Variants in TRAF3IP3 observed in about 807,000 individuals in gnomAD.
The protein encoded by TRAF3IP3 is TRAF3-interacting JNK-activating modulator.
In TRAF3IP3, 64 loss-of-function variants were observed where a neutral mutation model predicts 86.5. That is an observed-to-expected ratio of 0.74 (90% CI 0.60 to 0.91). The LOEUF (loss-of-function observed/expected upper bound fraction) is 0.91. TRAF3IP3 is among the 40% of genes least tolerant of loss of function. The pLI, the probability that TRAF3IP3 is intolerant of heterozygous loss-of-function variation, is 0.00. For synonymous variants in TRAF3IP3, 220 were observed against 243.9 expected, an observed-to-expected ratio of 0.90 and a Z score of 0.91; for missense variants, 579 against 642.9, an observed-to-expected ratio of 0.90 and a Z score of 1.07.
chr1:209,779,302 T>G lies in TRAF3IP3; in HGVS notation c.1253-13T>G, dbSNP rs987015252. On this transcript the variant is annotated splice_polypyrimidine_tract_variant and intron_variant, in intron 13 of 16. Coordinates refer to ENST00000367025, the MANE Select transcript of TRAF3IP3 (RefSeq NM_025228.4). ...TATGCTAGCATAGACAAGTTCCTTG[T>G]GTTTTCCAACAGGTTTGCTTCAAAA... 6.2e-7 allele frequency: 1 copy of G among 1,613,654 alleles called. No individual in the cohort carries two copies. The highest frequency in any genetic ancestry group is 1.7e-4 in the Middle Eastern group (1 of 6,060).
In TRAF3IP3 at chr1:209,762,677, T is replaced by TCC; in HGVS notation, c.493+17_493+18dup. The TCC allele has an allele frequency of 2.3e-6, 3 of 1,309,862 alleles. No homozygotes were observed. The highest frequency in any genetic ancestry group is 2.9e-6 in the Non-Finnish European group (3 of 1,030,130). 81.1% of individuals were successfully genotyped at this position (1,309,862 alleles called of 1,614,324 possible). ...ACACCACCGTGGTAAGAGCAGAGCC[T>TCC]CCCTCACTCCACAGGGCCTGCAGAG... On this transcript the variant is annotated intron_variant, in intron 4 of 16. Coordinates refer to ENST00000367025, the MANE Select transcript of TRAF3IP3 (RefSeq NM_025228.4).
chr1:209,772,838 C>T (rs2077575064), intron 8 of TRAF3IP3, 110 bp from the exon 9 acceptor site: 4 of 888,916 alleles, frequency 4.5e-6, no homozygotes, highest in Non-Finnish European at 7.2e-6. Flanking sequence ...TGAAAGAGTT[C>T]ACTGTTTGAG....
At chr1:209,756,673 C>T (rs149202330) in intron 1 of TRAF3IP3, among the ~76,000 whole-genome samples, 7 of 152,356 alleles carry the variant, frequency 4.6e-5, no homozygotes, top group Non-Finnish European at 7.3e-5. Flanking sequence ...GCAGCTTAAG[C>T]GCAGGCCCCT....
chr1:209,760,447 G>A, intron 3 of TRAF3IP3, 63 bp downstream of exon 3: 11 of 1,409,220 alleles, frequency 7.8e-6, no homozygotes, highest in Non-Finnish European at 9.6e-6. Flanking sequence ...AAGGAGGGTG[G>A]GTGGGCTCAA....
At chr1:209,777,308 C>T in intron 11 of TRAF3IP3, 44 bp from the exon 12 acceptor site, 1 of 1,575,542 alleles carries the variant, frequency 6.3e-7, no homozygotes, top group Non-Finnish European at 8.7e-7. Context: ...ACCTCCACCC[C>T]AACACTGACC....
intron 8 of TRAF3IP3, among the ~76,000 whole-genome samples, chr1:209,772,436 C>T (rs1219949460): frequency 6.6e-6 from 1 of 152,174 alleles, no homozygotes; most frequent in East Asian, 1.9e-4. Flanking sequence ...TTCTGGGGCA[C>T]TCGGGGCTTA....
At chr1:209,779,655 G>T in intron 14 of TRAF3IP3, 1 of 601,292 alleles carries the variant, frequency 1.7e-6, no homozygotes. Flanking sequence ...TTTGAACTCA[G>T]GATTTCATGT....
At chr1:209,774,775 G>A (rs1230108297) in intron 9 of TRAF3IP3, among the ~76,000 whole-genome samples, 2 of 152,316 alleles carry the variant, frequency 1.3e-5, no homozygotes, top group East Asian at 3.9e-4. Flanking sequence ...CCCTCTAAAT[G>A]CAGAACTGAA....
Position 209,781,396 on chromosome 1 carries a change from T to C in TRAF3IP3, c.1501T>C (p.Cys501Arg). ...LDNLSDEYLS[C>R]LRKLQHCREE... ...CAACCTCAGTGACGAGTATCTCTCCTGCCTGCGTAAGCTGCAGCACTGTCG... is the reference window on the plus strand; with the variant it reads ...CAACCTCAGTGACGAGTATCTCTCCCGCCTGCGTAAGCTGCAGCACTGTCG... The change falls in exon 16 of 17, where the codon TGC becomes CGC. Residue 501 changes from cysteine to arginine, a missense_variant. Coordinates refer to ENST00000367025, the MANE Select transcript of TRAF3IP3 (RefSeq NM_025228.4). The C allele has an allele frequency of 6.2e-7, 1 of 1,613,818 alleles. No individual in the cohort carries two copies. Among genetic ancestry groups the C allele is most frequent in the Non-Finnish European group, 8.5e-7 (1 of 1,179,772 alleles).
rs761347274 is a variant in TRAF3IP3, at chr1:209,777,370, T to C, written c.1072T>C (p.Leu358=). 2.5e-6 allele frequency: 4 copies of C among 1,613,766 alleles called. No homozygotes were observed. In the South Asian group the frequency reaches 4.4e-5, roughly 18 times the overall value. The stretch of plus-strand genomic sequence containing the variant: ...CTTACAGGGAGCAGATAGCAGGGAC[T>C]TACAGATGAACCAGGCCCTGCGATT... ...SKLQGADSRD[L]QMNQALRFLE... The change falls in exon 12 of 17, where the codon TTA becomes CTA. Residue 358 remains leucine, a synonymous_variant. Coordinates refer to ENST00000367025, the MANE Select transcript of TRAF3IP3 (RefSeq NM_025228.4).
intron 8 of TRAF3IP3, among the ~76,000 whole-genome samples, chr1:209,765,220 AGAGAGAG>A (rs879694426): frequency 0.037 from 3,651 of 99,144 alleles, 375 homozygotes; most frequent in African/African-American, 0.097. Context: ...AGAGGGAGAG[AGAGAGAG>A]AGGAAGGAAG....
chr1:209,763,200 A>G, intron 6 of TRAF3IP3, 108 bp downstream of exon 6: 1 of 1,404,240 alleles, frequency 7.1e-7, no homozygotes, highest in Non-Finnish European at 1.0e-6. Context: ...TTCTTCCTGG[A>G]TGGCAAGGGG....
chr1:209,773,251 G>A (rs1442393322), intron 9 of TRAF3IP3, among the ~76,000 whole-genome samples: 1 of 152,062 alleles, frequency 6.6e-6, no homozygotes, highest in Non-Finnish European at 1.5e-5. Context: ...TTGCACCCTG[G>A]AGGAATCCCA....
chr1:209,778,107 T>G lies in TRAF3IP3; in HGVS notation c.1190-4T>G, dbSNP rs781239816. 17 of 1,614,016 alleles carry G rather than the reference T, an allele frequency of 1.1e-5. No individual in the cohort carries two copies. The highest frequency in any genetic ancestry group is 1.7e-5 in the Admixed American group (1 of 60,022). On this transcript the variant is annotated splice_polypyrimidine_tract_variant and splice_region_variant and intron_variant, in intron 12 of 16. Coordinates refer to ENST00000367025, the MANE Select transcript of TRAF3IP3 (RefSeq NM_025228.4). The stretch of plus-strand genomic sequence containing the variant: ...TATTTTGGCTTGCATTATTGCATTT[T>G]CAGATCAACTAAAAAGGTCAGAGGC...
intron 8 of TRAF3IP3, among the ~76,000 whole-genome samples, chr1:209,771,671 GTT>G (rs1491257510): frequency 1.2e-4 from 18 of 149,582 alleles, no homozygotes; most frequent in South Asian, 4.3e-4. Flanking sequence ...GAAGGTGTGT[GTT>G]CAGGTGGAGG....
intron 8 of TRAF3IP3, 96 bp from the exon 9 acceptor site, chr1:209,772,852 C>A: frequency 9.4e-7 from 1 of 1,065,832 alleles, no homozygotes; most frequent in Non-Finnish European, 1.4e-6. Context: ...GTTTGAGCAC[C>A]AACCATGTGC....
intron 4 of TRAF3IP3, 35 bp from the exon 5 acceptor site, chr1:209,762,778 G>A (rs745734944): frequency 6.2e-7 from 1 of 1,613,292 alleles, no homozygotes; most frequent in Non-Finnish European, 8.5e-7. Context: ...CTTCCTCCCT[G>A]TAAGTTCTAA....
At position 209,780,577 on chromosome 1, in the gene TRAF3IP3, A is replaced by G. The variant is rs149029208; in HGVS notation, c.1420A>G (p.Thr474Ala). The part of the protein sequence containing the change: ...WDLRDQLQKK[T>A]LQLQAKEKEC... ...TCTCAGAGACCAGCTGCAAAAGAAG[A>G]CTTTGCAGCTCCAGGCCAAGGAAAA... is the stretch of plus-strand genomic sequence containing the variant. Residue 474 changes from threonine to alanine, a missense_variant, in exon 15 of 17, where the codon ACT becomes GCT. Coordinates refer to ENST00000367025, the MANE Select transcript of TRAF3IP3 (RefSeq NM_025228.4). 1.9e-5 allele frequency: 31 copies of G among 1,597,250 alleles called. No individual in the cohort carries two copies. The highest frequency in any genetic ancestry group is 3.4e-5 in the Admixed American group (2 of 58,604).
intron 8 of TRAF3IP3, among the ~76,000 whole-genome samples, chr1:209,771,108 A>ACGTG (rs2077497667): frequency 9.9e-6 from 1 of 100,744 alleles, no homozygotes; most frequent in Non-Finnish European, 2.0e-5. Context: ...GGAAGTGTGC[A>ACGTG]TGCATGTGGA....
Sources: gnomAD v4.1 joint callset for allele counts (sites outside exome capture counted in the v4.1 genomes callset) on GRCh38, gnomAD v4.1.1 for gene constraint, MANE v1.5 for transcripts, NCBI Gene and HGNC (gene_info 2026-07-23, HGNC 2026-07-21) for gene names.